The following COL17A1 variants were observed in gnomAD, a reference collection of about 807,000 sequenced individuals.
COL17A1 encodes collagen alpha-1(XVII) chain.
A neutral mutation model predicts 218.4 loss-of-function variants in COL17A1; 181 were observed. The observed-to-expected ratio is 0.83, with a 90% confidence interval of 0.73 to 0.94. The LOEUF is 0.94. Ranked by LOEUF, COL17A1 falls within the 40% of genes least tolerant of loss-of-function variation. The pLI is 0.00. For synonymous variants in COL17A1, 721 were observed against 731.0 expected (o/e 0.99, Z 0.22); for missense variants, 1,924 against 1,945.9 (o/e 0.99, Z 0.21).
chr10:104,058,312 G>A (rs928131926), intron 15 of COL17A1, 122 bp from the exon 16 acceptor site: 14 of 1,225,702 alleles, frequency 1.1e-5, no homozygotes, highest in Non-Finnish European at 1.5e-5. Context: ...CGACGTGCAG[G>A]AACATCCAGC....
At position 104,053,079 on chromosome 10, in the gene COL17A1, G is replaced by A; in HGVS notation, c.1891C>T (p.Pro631Ser). ...GQRGREGPMG[P>S]RGEAGPPGSG... ...CCAGGAGGCCCTGCCTCACCACGAG[G>A]TCCCATGGGGCCTTCTCGCCCTCTC... Residue 631 changes from proline to serine, a missense_variant, in exon 23 of 56, where the codon CCT (proline) becomes TCT (serine). Coordinates refer to ENST00000648076, the MANE Select transcript of COL17A1 (RefSeq NM_000494.4). The A allele has an allele frequency of 1.9e-6, 3 of 1,614,030 alleles. No individual in the cohort carries two copies. The highest frequency in any genetic ancestry group is 1.7e-6 in the Non-Finnish European group (2 of 1,180,030).
chr10:104,055,965 G>C lies in COL17A1; in HGVS notation c.1504C>G (p.Leu502Val). The change falls in exon 18 of 56, where the codon CTG becomes GTG. Residue 502 changes from leucine (L) to valine (V), a missense_variant. By Grantham distance (32) the Leu-to-Val change is conservative. Coordinates refer to ENST00000648076, the MANE Select transcript of COL17A1 (RefSeq NM_000494.4). ...AGTATGCTCCTCCTGATCCTCTCCA[G>C]CTCATCCACACGCGCCTTCAGCTTC... ...VRKLKARVDELERIRRSILPY... is the reference protein window; with the variant it reads ...VRKLKARVDEVERIRRSILPY... The C allele has an allele frequency of 6.2e-7, 1 of 1,614,126 alleles. No homozygotes were observed. Among genetic ancestry groups the C allele is most frequent in the East Asian group, 2.2e-5 (1 of 44,870 alleles).
chr10:104,070,415 G>C lies in COL17A1; in HGVS notation c.607+11C>G. The C allele has an allele frequency of 5.6e-6, 9 of 1,613,136 alleles. No individual in the cohort carries two copies. Among genetic ancestry groups the C allele is most frequent in the Non-Finnish European group, 7.6e-6 (9 of 1,180,010 alleles). Reference sequence around the variant, plus strand: ...CTCACACTCCTCGGCAGCCTGGGCTGTCAGACTTACCCGACTGGGAGCTCG... The same window carrying C: ...CTCACACTCCTCGGCAGCCTGGGCTCTCAGACTTACCCGACTGGGAGCTCG... On this transcript the variant is annotated intron_variant, in intron 9 of 55. Transcript: ENST00000648076.
intron 48 of COL17A1, 80 bp from the exon 49 acceptor site, chr10:104,035,643 G>C: frequency 8.8e-7 from 1 of 1,136,808 alleles, no homozygotes; most frequent in South Asian, 1.4e-5. Flanking sequence ...ATACAGAAGA[G>C]GTTTGGACAG....
Position 104,046,744 on chromosome 10 carries a change from C to T in COL17A1, c.2362+3G>A, listed in dbSNP as rs1019439700. 2 of 1,613,954 alleles carry T rather than the reference C, an allele frequency of 1.2e-6. No homozygotes were observed. The highest frequency in any genetic ancestry group is 1.7e-6 in the Non-Finnish European group (2 of 1,179,888). ...AGCAGGTGGGAATGATCCAGCGACT[C>T]ACCCTGAGGTCCCTGGGGTCCTGTG... On this transcript the variant is annotated splice_donor_region_variant and intron_variant, in intron 32 of 55. Coordinates refer to ENST00000648076, the MANE Select transcript of COL17A1 (RefSeq NM_000494.4).
chr10:104,077,537 C>A lies in COL17A1; in HGVS notation c.98-11G>T, dbSNP rs1260884600. 7 of 1,604,378 alleles carry A rather than the reference C, an allele frequency of 4.4e-6. No individual in the cohort carries two copies. Among genetic ancestry groups the A allele is most frequent in the African/African-American group, 2.7e-5 (2 of 74,750 alleles). On this transcript the variant is annotated splice_polypyrimidine_tract_variant and intron_variant, in intron 3 of 55. Coordinates refer to ENST00000648076, the MANE Select transcript of COL17A1 (RefSeq NM_000494.4). ...TGCTGGTCCCGCCTTCTGCCAGGAA[C>A]AAAAGCAGGTGATAATTTCAGGGTG...
intron 48 of COL17A1, 145 bp from the exon 49 acceptor site, chr10:104,035,708 G>T: frequency 1.5e-6 from 1 of 679,020 alleles, no homozygotes; most frequent in Non-Finnish European, 2.5e-6. Flanking sequence ...CAGAGAGGAG[G>T]AGCCCAAAGG....
In COL17A1 at chr10:104,070,634, G is replaced by A. The variant is rs931423614; in HGVS notation, c.464-65C>T. 4.3e-5 allele frequency: 70 copies of A among 1,612,484 alleles called. No individual in the cohort carries two copies. The Admixed American group carries it at 7.7e-4, about 18-fold the overall frequency. On this transcript the variant is annotated intron_variant, in intron 8 of 55. Coordinates refer to ENST00000648076, the MANE Select transcript of COL17A1 (RefSeq NM_000494.4). ...TTCTTTCCTGAGTCCCTGTGCAACT[G>A]GGGGGAACATTTGTGGCATTCTGAC...
rs1007112665 is a variant in COL17A1, at chr10:104,033,991, A to C, written c.4110T>G (p.Asp1370Glu). 1 of 1,614,078 alleles carries C rather than the reference A, an allele frequency of 6.2e-7. No homozygotes were observed. The highest frequency in any genetic ancestry group is 1.7e-5 in the Admixed American group (1 of 60,024). Residue 1370 changes from aspartate to glutamate, a missense_variant, in exon 52 of 56, where the codon GAT (aspartate) becomes GAG (glutamate). Physicochemically the swap from Asp to Glu is conservative, Grantham distance 45 (BLOSUM62 2). Transcript: ENST00000648076. ...GGLLGADFAGDLDYNELAVRV... is the reference protein window; with the variant it reads ...GGLLGADFAGELDYNELAVRV... Reference sequence around the variant, plus strand: ...TCACAGCCAGCTCATTGTAATCCAGATCTCCAGCAAAGTCAGCTCCCAATA... The same window carrying C: ...TCACAGCCAGCTCATTGTAATCCAGCTCTCCAGCAAAGTCAGCTCCCAATA...
rs1394139585 is a variant in COL17A1 at position 104,046,784 on chromosome 10, T to C, written c.2336-11A>G. ...GGGGTCCTGTGAGACCTGCAGAAAATCAGACACAAGAGGGAAGAGTTGAAG... is the reference window on the plus strand; with the variant it reads ...GGGGTCCTGTGAGACCTGCAGAAAACCAGACACAAGAGGGAAGAGTTGAAG... On this transcript the variant is annotated splice_polypyrimidine_tract_variant and intron_variant, in intron 31 of 55. Coordinates refer to ENST00000648076, the MANE Select transcript of COL17A1 (RefSeq NM_000494.4). 6.2e-7 allele frequency: 1 copy of C among 1,613,098 alleles called. No homozygotes were observed. The highest frequency in any genetic ancestry group is 1.7e-5 in the Admixed American group (1 of 59,940).
chr10:104,039,430 T>G lies in COL17A1; in HGVS notation c.2896+15A>C, dbSNP rs1212916593. 2 of 1,613,460 alleles carry G rather than the reference T, an allele frequency of 1.2e-6. No homozygotes were observed. The highest frequency in any genetic ancestry group is 4.5e-5 in the East Asian group (2 of 44,886). On this transcript the variant is annotated intron_variant, in intron 43 of 55. Transcript: ENST00000648076. ...CCCCTACTCCTCACCACCTTCTCAC[T>G]GCTCCCTCACTGACCTTTGTCACCT...
At chr10:104,069,953 T>C (rs1285763513) in intron 9 of COL17A1, among the ~76,000 whole-genome samples, 1 of 152,064 alleles carries the variant, frequency 6.6e-6, no homozygotes, top group African/African-American at 2.4e-5. Context: ...ATGGGAAGTG[T>C]ATAAATCACC....
At position 104,034,304 on chromosome 10, in the gene COL17A1, G is replaced by A. The variant is rs1367141480; in HGVS notation, c.3797C>T (p.Pro1266Leu). 6.4e-7 allele frequency: 1 copy of A among 1,574,772 alleles called. No homozygotes were observed. Among genetic ancestry groups the A allele is most frequent in the Non-Finnish European group, 8.6e-7 (1 of 1,164,714 alleles). The change falls in exon 52 of 56, where the codon CCC (proline) becomes CTC (leucine). Residue 1266 changes from proline (P) to leucine (L), a missense_variant. Physicochemically the swap from Pro to Leu is moderately conservative, Grantham distance 98 (BLOSUM62 -3). Transcript: ENST00000648076. ...SPDVRSFIVG[P>L]PGPPGPQGPP... ...TCCCTGCGGCCCAGGAGGGCCTGGG[G>A]GGCCAACAATGAAGCTGCGCACATC...
intron 32 of COL17A1, among the ~76,000 whole-genome samples, chr10:104,046,485 T>C (rs2086411022): frequency 6.6e-6 from 1 of 152,130 alleles, no homozygotes; most frequent in South Asian, 2.1e-4. Context: ...CCTCTCAGAT[T>C]CCTGCACCCG....
At chr10:104,061,874 A>C (rs1311999930) in intron 12 of COL17A1, among the ~76,000 whole-genome samples, 3 of 152,162 alleles carry the variant, frequency 2.0e-5, no homozygotes, top group Non-Finnish European at 4.4e-5. Flanking sequence ...TCATGTCCCC[A>C]GTCACCCCCA....
chr10:104,073,219 G>A lies in COL17A1; in HGVS notation c.406C>T (p.Gln136Ter). Reference sequence around the variant, plus strand: ...CAGTGACAGCACTCACCTCGTGTTTGACTCCGTCCTCTGGTTGAAGAAGAT... The same window carrying A: ...CAGTGACAGCACTCACCTCGTGTTTAACTCCGTCCTCTGGTTGAAGAAGAT... ...FASSSTRGRS[Q>*]TRESEIRVRL... The change falls in exon 7 of 56, where the codon CAA (glutamine) becomes TAA (stop). Residue 136 changes from glutamine to a stop codon, truncating the protein, a stop_gained. Coordinates refer to ENST00000648076, the MANE Select transcript of COL17A1 (RefSeq NM_000494.4). LOFTEE classifies it high-confidence loss of function. 1 of 1,613,914 alleles carries A rather than the reference G, an allele frequency of 6.2e-7. No homozygotes were observed. The highest frequency in any genetic ancestry group is 8.5e-7 in the Non-Finnish European group (1 of 1,179,912).
intron 6 of COL17A1, 92 bp downstream of exon 6, chr10:104,074,092 T>C: frequency 6.3e-7 from 1 of 1,593,630 alleles, no homozygotes; most frequent in South Asian, 1.1e-5. Flanking sequence ...ATTTAACTCA[T>C]GAGGTCCCCT....
In COL17A1 at chr10:104,063,837, A is replaced by C. The variant is rs973902106; in HGVS notation, c.767-19T>G. 8.1e-6 allele frequency: 13 copies of C among 1,613,914 alleles called. No homozygotes were observed. The African/African-American group carries it at 1.5e-4, about 18-fold the overall frequency. On this transcript the variant is annotated intron_variant, in intron 10 of 55. Coordinates refer to ENST00000648076, the MANE Select transcript of COL17A1 (RefSeq NM_000494.4). ...CCGAAGACTGCAGGGGCAAGGAGGA[A>C]GGCTGGTGAGAGGGACATCTGGCCC...
chr10:104,051,437 T>C, intron 25 of COL17A1, 44 bp downstream of exon 25: 1 of 1,612,400 alleles, frequency 6.2e-7, no homozygotes, highest in Non-Finnish European at 8.5e-7. Flanking sequence ...ATTGCCACCT[T>C]TGCCCTGGAA....
Sources: gnomAD v4.1 joint callset for allele counts (sites outside exome capture counted in the v4.1 genomes callset) on GRCh38, gnomAD v4.1.1 for gene constraint, MANE v1.5 for transcripts, NCBI Gene and HGNC (gene_info 2026-07-23, HGNC 2026-07-21) for gene names.